The following RAD51B variants were observed in gnomAD, a reference collection of about 807,000 sequenced individuals.
RAD51B encodes DNA repair protein RAD51 homolog 2.
RAD51B carries 38 observed loss-of-function variants against 42.2 expected under a neutral mutation model. The observed-to-expected ratio is 0.90, with a 90% CI of 0.70 to 1.18. RAD51B has a LOEUF of 1.18. Ranked by LOEUF, RAD51B falls within the 50% of genes most tolerant of loss-of-function variation. The probability of loss-of-function intolerance (pLI) is 0.00; values close to 1 mark genes in which losing one functional copy is unlikely to be tolerated. For synonymous variants in RAD51B, 154 were observed against 145.2 expected, an observed-to-expected ratio of 1.06 and a Z score of -0.43; for missense variants, 373 against 400.7, an observed-to-expected ratio of 0.93 and a Z score of 0.59.
intron 9 of RAD51B, among the ~76,000 whole-genome samples, chr14:68,450,206 CTTTTTTTTT>C (rs67536658): frequency 6.3e-5 from 3 of 47,906 alleles, no homozygotes; most frequent in African/African-American, 2.0e-4. Context: ...GAGCTTAGGG[CTTTTTTTTT>C]TTTTTTTTTT....
At chr14:68,226,244 A>G (rs550295301) in intron 7 of RAD51B, among the ~76,000 whole-genome samples, 1 of 152,342 alleles carries the variant, frequency 6.6e-6, no homozygotes, top group South Asian at 2.1e-4. Flanking sequence ...CTATAAAATG[A>G]GGGAGCCAAC....
intron 7 of RAD51B, among the ~76,000 whole-genome samples, chr14:68,125,896 A>G (rs892774499): frequency 6.6e-6 from 1 of 152,208 alleles, no homozygotes; most frequent in Non-Finnish European, 1.5e-5. Context: ...GGTGTCATTT[A>G]GAAAGCACCA....
At chr14:68,448,980 T>C (rs997295582) in intron 9 of RAD51B, among the ~76,000 whole-genome samples, 18 of 152,242 alleles carry the variant, frequency 1.2e-4, no homozygotes, top group African/African-American at 2.4e-5. Context: ...TATCAAAATA[T>C]TTATGTACTC....
chr14:68,553,903 G>T (rs1888702065), intron 10 of RAD51B, among the ~76,000 whole-genome samples: 1 of 152,166 alleles, frequency 6.6e-6, no homozygotes, highest in Admixed American at 6.5e-5. Context: ...TAAGAAATGA[G>T]CTTTGTCTAC....
At chr14:68,643,603 A>G (rs181958650) in intron 10 of RAD51B, among the ~76,000 whole-genome samples, 6 of 152,276 alleles carry the variant, frequency 3.9e-5, no homozygotes, top group African/African-American at 1.4e-4. Context: ...CCAAGATAAA[A>G]TTCCTCCTCC....
intron 7 of RAD51B, among the ~76,000 whole-genome samples, chr14:68,139,550 C>G (rs1435416275): frequency 6.6e-6 from 1 of 152,170 alleles, no homozygotes; most frequent in East Asian, 1.9e-4. Flanking sequence ...GGAAGAAGCC[C>G]TGAAAGGGAT....
chr14:68,050,508 A>G (rs2076375039), intron 7 of RAD51B, among the ~76,000 whole-genome samples: 1 of 152,196 alleles, frequency 6.6e-6, no homozygotes, highest in South Asian at 2.1e-4. Flanking sequence ...ACAGAAAAAT[A>G]TGAAGAAATA....
chr14:67,866,072 G>C (rs1162426260), intron 5 of RAD51B, among the ~76,000 whole-genome samples: 1 of 152,142 alleles, frequency 6.6e-6, no homozygotes, highest in Admixed American at 6.5e-5. Flanking sequence ...ACATCAAACT[G>C]CTCTAGAAAA....
intron 9 of RAD51B, among the ~76,000 whole-genome samples, chr14:68,434,147 G>A (rs1045844442): frequency 1.3e-5 from 2 of 152,194 alleles, no homozygotes; most frequent in African/African-American, 4.8e-5. Context: ...GTGTCAGTCT[G>A]CCCCTACTTG....
intron 7 of RAD51B, among the ~76,000 whole-genome samples, chr14:67,983,478 A>T (rs1047639109): frequency 5.9e-5 from 9 of 152,222 alleles, no homozygotes; most frequent in African/African-American, 2.2e-4. Context: ...CAAATATACC[A>T]TTTGGACAGT....
intron 7 of RAD51B, among the ~76,000 whole-genome samples, chr14:67,961,721 A>AT (rs566438397): frequency 1.1e-4 from 17 of 151,108 alleles, no homozygotes; most frequent in African/African-American, 2.4e-4. Flanking sequence ...TTTTCTCAGT[A>AT]TTTTTTTTTC....
intron 10 of RAD51B, among the ~76,000 whole-genome samples, chr14:68,547,237 C>T (rs1450925302): frequency 6.6e-6 from 1 of 152,212 alleles, no homozygotes; most frequent in Admixed American, 6.5e-5. Flanking sequence ...GGGGCTGATT[C>T]ACACGTGAGT....
At chr14:68,673,884 A>ACT (rs1491526985) in intron 11 of RAD51B, among the ~76,000 whole-genome samples, 1 of 90,568 alleles carries the variant, frequency 1.1e-5, no homozygotes, top group Non-Finnish European at 2.4e-5. Context: ...GTGCACACAC[A>ACT]TGTATACATG....
chr14:68,664,317 CT>C (rs1285022187), intron 11 of RAD51B, among the ~76,000 whole-genome samples: 1 of 152,148 alleles, frequency 6.6e-6, no homozygotes, highest in Non-Finnish European at 1.5e-5. Context: ...CTGATTCAAA[CT>C]AAGAAAATGT....
At chr14:68,082,839 A>T (rs1167646604) in intron 7 of RAD51B, among the ~76,000 whole-genome samples, 1 of 152,156 alleles carries the variant, frequency 6.6e-6, no homozygotes, top group Non-Finnish European at 1.5e-5. Context: ...CCTACATATT[A>T]GTGCCAAGAA....
intron 11 of RAD51B, among the ~76,000 whole-genome samples, chr14:68,660,745 C>A (rs923669688): frequency 6.6e-6 from 1 of 152,184 alleles, no homozygotes; most frequent in African/African-American, 2.4e-5. Flanking sequence ...AGAAACTAGG[C>A]AATGCTCCCA....
At chr14:67,870,899 A>T (rs1190042638) in intron 5 of RAD51B, among the ~76,000 whole-genome samples, 2 of 134,658 alleles carry the variant, frequency 1.5e-5, no homozygotes, top group East Asian at 3.9e-4. Context: ...GAGAACAAAG[A>T]CACAACATAC....
chr14:68,097,126 A>G (rs2077209693), intron 7 of RAD51B, among the ~76,000 whole-genome samples: 1 of 152,130 alleles, frequency 6.6e-6, no homozygotes, highest in Non-Finnish European at 1.5e-5. Context: ...TGATGAATGC[A>G]TTCATACAAT....
At chr14:68,540,367 C>T in intron 10 of RAD51B, 2 of 1,051,682 alleles carry the variant, frequency 1.9e-6, no homozygotes, top group Non-Finnish European at 2.3e-6. Context: ...GAGATAAGGT[C>T]CACTTACATG....
Sources: gnomAD v4.1 joint callset for allele counts (sites outside exome capture counted in the v4.1 genomes callset) on GRCh38, gnomAD v4.1.1 for gene constraint, MANE v1.5 for transcripts, NCBI Gene and HGNC (gene_info 2026-07-23, HGNC 2026-07-21) for gene names.